The following MED14 variants were observed in gnomAD, a reference collection of about 807,000 sequenced individuals.
MED14 encodes the protein mediator of RNA polymerase II transcription subunit 14.
A neutral mutation model predicts 109.0 loss-of-function variants in MED14; 8 were observed. The ratio of observed to expected loss-of-function variants is 0.07; its 90% confidence interval spans 0.04 to 0.13. The LOEUF (loss-of-function observed/expected upper bound fraction) is 0.13, where lower values mean the gene tolerates loss of function less well. Ranked by LOEUF, MED14 falls within the 10% of genes least tolerant of loss-of-function variation. MED14 has a pLI of 1.00. For synonymous variants in MED14, 399 were observed against 408.7 expected (o/e 0.98, Z 0.29); for missense variants, 711 against 1,142.4 (o/e 0.62, Z 5.44).
At chrX:40,683,535 CAT>C (rs1390407890) in intron 16 of MED14, among the ~76,000 whole-genome samples, 2 of 111,841 alleles carry the variant, frequency 1.8e-5, no homozygotes, top group South Asian at 3.7e-4. Flanking sequence ...AGCAAGTATT[CAT>C]ATGTTTTGTT....
chrX:40,669,995 A>G (rs1929661087), intron 23 of MED14, among the ~76,000 whole-genome samples: 1 of 112,406 alleles, frequency 8.9e-6, no homozygotes, highest in Non-Finnish European at 1.9e-5. Context: ...CTGTTTATCT[A>G]GGAATCTAAG....
intron 23 of MED14, among the ~76,000 whole-genome samples, chrX:40,670,253 C>T (rs1408259029): frequency 2.7e-5 from 3 of 111,759 alleles, no homozygotes; most frequent in Admixed American, 1.9e-4. Context: ...TCATGTACCA[C>T]GCCCCAGGCT....
At chrX:40,721,508 T>C (rs1271506158) in intron 3 of MED14, among the ~76,000 whole-genome samples, 3 of 112,843 alleles carry the variant, frequency 2.7e-5, no homozygotes, top group African/African-American at 9.7e-5. Flanking sequence ...ACTAAGGTTT[T>C]TGACTCTAAT....
At chrX:40,721,357 C>A (rs1362893399) in intron 3 of MED14, among the ~76,000 whole-genome samples, 1 of 112,095 alleles carries the variant, frequency 8.9e-6, no homozygotes, top group Admixed American at 9.4e-5. Flanking sequence ...GGTGGCCTTG[C>A]AGAACCCCTC....
intron 24 of MED14, among the ~76,000 whole-genome samples, chrX:40,666,077 T>C (rs1929467676): frequency 1.8e-5 from 2 of 112,019 alleles, no homozygotes; most frequent in South Asian, 7.4e-4. Flanking sequence ...TATGGTATCA[T>C]ACTCATGATA....
At chrX:40,721,996 G>A (rs1931737744) in intron 3 of MED14, among the ~76,000 whole-genome samples, 1 of 111,274 alleles carries the variant, frequency 9.0e-6, no homozygotes, top group Admixed American at 9.6e-5. Flanking sequence ...CCTCAAGAAG[G>A]ACAGACATAA....
At chrX:40,723,475 G>A (rs976366128) in intron 3 of MED14, among the ~76,000 whole-genome samples, 2 of 109,311 alleles carry the variant, frequency 1.8e-5, no homozygotes, top group African/African-American at 6.6e-5. Context: ...AGACCAGCCC[G>A]GCCAACACGG....
At chrX:40,689,500 C>T (rs1930416384) in intron 15 of MED14, among the ~76,000 whole-genome samples, 1 of 110,768 alleles carries the variant, frequency 9.0e-6, no homozygotes, top group Admixed American at 9.6e-5. Flanking sequence ...TCAAGACGAG[C>T]CTAGCCAACA....
At chrX:40,701,078 A>G in intron 12 of MED14, 87 bp downstream of exon 12, 1 of 635,086 alleles carries the variant, frequency 1.6e-6, no homozygotes. Context: ...AAGGACAGTG[A>G]ATGACCAAGA....
In MED14 at chrX:40,730,913, G is replaced by A. The variant is rs781074847; in HGVS notation, c.216-1568C>T. On this transcript the variant is annotated intron_variant, in intron 1 of 30. Transcript: ENST00000324817. ...AGCACTTTGGGAGGCTTGGTGGCGGGGGGGTGGGGTGCAGATCGCTTGAGT... is the reference window on the plus strand; with the variant it reads ...AGCACTTTGGGAGGCTTGGTGGCGGAGGGGTGGGGTGCAGATCGCTTGAGT... Among the ~76,000 whole-genome samples the A allele has an allele frequency of 3.0e-5, 3 of 100,890 alleles. No individual in the cohort carries two copies. In the East Asian group the frequency reaches 1.1e-3, roughly 36 times the overall value. The allele number at this position is 100,890 out of a possible 115,157, so 87.6% of individuals were successfully genotyped here.
chrX:40,656,330 A>G (rs1450420511), intron 28 of MED14, among the ~76,000 whole-genome samples: 1 of 112,052 alleles, frequency 8.9e-6, no homozygotes, highest in Non-Finnish European at 1.9e-5. Context: ...TTTACAATGA[A>G]TATCCCAAGG....
At chrX:40,712,825 C>T in intron 6 of MED14, 89 bp downstream of exon 6, 3 of 908,810 alleles carry the variant, frequency 3.3e-6, no homozygotes, top group Non-Finnish European at 4.4e-6. Flanking sequence ...AAGCATGAGC[C>T]ATCATCCCCA....
chrX:40,674,394 G>T (rs866659103), intron 22 of MED14, among the ~76,000 whole-genome samples: 6 of 112,372 alleles, frequency 5.3e-5, no homozygotes, highest in Middle Eastern at 9.1e-3. Context: ...TCACTAAGTA[G>T]CCAGACCAGA....
intron 21 of MED14, among the ~76,000 whole-genome samples, chrX:40,677,123 A>G (rs1020275283): frequency 1.8e-5 from 2 of 112,252 alleles, no homozygotes; most frequent in African/African-American, 6.5e-5. Flanking sequence ...GCCAAAGACC[A>G]ACTCAGAGAA....
intron 13 of MED14, among the ~76,000 whole-genome samples, chrX:40,696,055 G>A (rs1009450196): frequency 1.8e-5 from 2 of 110,187 alleles, no homozygotes; most frequent in African/African-American, 6.6e-5. Flanking sequence ...TTACAGGCAT[G>A]AGCCATCACA....
At chrX:40,724,064 T>C (rs914968213) in intron 3 of MED14, among the ~76,000 whole-genome samples, 1 of 111,759 alleles carries the variant, frequency 8.9e-6, no homozygotes, top group African/African-American at 3.3e-5. Flanking sequence ...TTAGGCAAAA[T>C]AGATTTCAAG....
chrX:40,681,729 T>G, intron 19 of MED14, 123 bp downstream of exon 19: 1 of 411,534 alleles, frequency 2.4e-6, no homozygotes, highest in Middle Eastern at 6.7e-4. Flanking sequence ...CATTTAAAAT[T>G]TACCATTTTA....
At chrX:40,702,341 G>GTT (rs1384806028) in intron 11 of MED14, among the ~76,000 whole-genome samples, 42 of 83,642 alleles carry the variant, frequency 5.0e-4, no homozygotes, top group African/African-American at 1.8e-3. Context: ...TTAAATATAA[G>GTT]TTTTGTTTTT....
At chrX:40,667,358 G>C (rs771584746) in intron 23 of MED14, among the ~76,000 whole-genome samples, 1 of 112,003 alleles carries the variant, frequency 8.9e-6, no homozygotes, top group East Asian at 2.8e-4. Flanking sequence ...TAAGGAAGGG[G>C]GCATGTGAGC....
Sources: gnomAD v4.1 joint callset for allele counts (sites outside exome capture counted in the v4.1 genomes callset) on GRCh38, gnomAD v4.1.1 for gene constraint, MANE v1.5 for transcripts, NCBI Gene and HGNC (gene_info 2026-07-23, HGNC 2026-07-21) for gene names.